DAAM1: variants seen among roughly 807,000 people sequenced by gnomAD.
DAAM1 encodes dishevelled associated activator of morphogenesis 1, also known as disheveled-associated activator of morphogenesis 1.
Under a neutral mutation model 130.0 loss-of-function variants are expected in DAAM1, and 52 were observed. The ratio of observed to expected loss-of-function variants is 0.40; its 90% CI spans 0.32 to 0.50. The LOEUF is 0.50. Among genes scored for constraint, DAAM1 ranks in the 20% least tolerant of loss-of-function variants. DAAM1 has a pLI of 0.61. For synonymous variants in DAAM1, 452 were observed against 444.5 expected, an observed-to-expected ratio of 1.02 and a Z score of -0.21; for missense variants, 1,134 against 1,303.8, an observed-to-expected ratio of 0.87 and a Z score of 2.01.
intron 19 of DAAM1, among the ~76,000 whole-genome samples, chr14:59,354,638 A>G (rs2139673578): frequency 6.6e-6 from 1 of 152,282 alleles, no homozygotes; most frequent in Middle Eastern, 3.4e-3. Flanking sequence ...TGATTTTTAA[A>G]ATTTGTAAAT....
chr14:59,351,242 A>G (rs1160017867), intron 17 of DAAM1, among the ~76,000 whole-genome samples: 1 of 152,000 alleles, frequency 6.6e-6, no homozygotes, highest in Non-Finnish European at 1.5e-5. Flanking sequence ...GCTCCACCCT[A>G]TCCAGGCCAC....
At chr14:59,343,800 A>G (rs1293240808) in intron 16 of DAAM1, among the ~76,000 whole-genome samples, 5 of 152,176 alleles carry the variant, frequency 3.3e-5, no homozygotes, top group African/African-American at 9.6e-5. Flanking sequence ...TATTTGCAGC[A>G]TGAGTGACCA....
At chr14:59,251,655 C>T (rs896648575) in intron 1 of DAAM1, among the ~76,000 whole-genome samples, 1 of 152,108 alleles carries the variant, frequency 6.6e-6, no homozygotes, top group African/African-American at 2.4e-5. Flanking sequence ...CCTCCTAGAG[C>T]CACACAGCAC....
chr14:59,301,768 A>G (rs560474588), intron 3 of DAAM1, among the ~76,000 whole-genome samples: 54 of 152,190 alleles, frequency 3.5e-4, no homozygotes, highest in Non-Finnish European at 3.8e-4. Context: ...GATATTCAGA[A>G]GTTGAGAGGT....
intron 2 of DAAM1, 72 bp from the exon 3 acceptor site, chr14:59,291,145 A>G: frequency 8.1e-7 from 1 of 1,238,738 alleles, no homozygotes; most frequent in Non-Finnish European, 1.1e-6. Flanking sequence ...TTCTTCCTTG[A>G]TGATACTGAT....
Position 59,323,224 on chromosome 14 carries a change from A to C in DAAM1, c.773A>C (p.Gln258Pro). Residue 258 changes from glutamine to proline, a missense_variant and splice_region_variant, in exon 6 of 25, where the codon CAG becomes CCG. By Grantham distance (76) the Gln-to-Pro change is moderately conservative (BLOSUM62 -1). Around this residue, in one of 3 missense-constraint regions of DAAM1, gnomAD observed 391 missense variants for 521.6 expected, o/e 0.75. Transcript: ENST00000360909. Reference sequence around the variant, plus strand: ...TATGCCAGCGAAAGGACCCGCTTTCAGGTGGGTGTTCGCTCAGCCTTCTTC... The same window carrying C: ...TATGCCAGCGAAAGGACCCGCTTTCCGGTGGGTGTTCGCTCAGCCTTCTTC... ...QKYASERTRF[Q>P]TLINDLDKST... The C allele has an allele frequency of 6.3e-7, 1 of 1,598,902 alleles. No individual in the cohort carries two copies. Among genetic ancestry groups the C allele is most frequent in the Non-Finnish European group, 8.5e-7 (1 of 1,171,008 alleles).
chr14:59,227,055 T>A (rs1490847162), intron 1 of DAAM1, among the ~76,000 whole-genome samples: 1 of 152,222 alleles, frequency 6.6e-6, no homozygotes, highest in Admixed American at 6.5e-5. Context: ...CTGTAGAATT[T>A]CCAGTAAAAC....
At chr14:59,245,758 A>G (rs535923828) in intron 1 of DAAM1, among the ~76,000 whole-genome samples, 1 of 152,276 alleles carries the variant, frequency 6.6e-6, no homozygotes, top group South Asian at 2.1e-4. Flanking sequence ...TTGTAAATTG[A>G]TGACAAATTT....
intron 20 of DAAM1, among the ~76,000 whole-genome samples, chr14:59,356,607 C>G (rs1423072634): frequency 6.6e-6 from 1 of 152,190 alleles, no homozygotes; most frequent in Non-Finnish European, 1.5e-5. Flanking sequence ...ATCCACAGCT[C>G]TATTAGCAGC....
At chr14:59,367,381 G>T in intron 23 of DAAM1, 48 bp from the exon 24 acceptor site, 1 of 1,555,278 alleles carries the variant, frequency 6.4e-7, no homozygotes, top group South Asian at 1.2e-5. Flanking sequence ...ATATTTGATT[G>T]TGGAATTCTC....
At chr14:59,201,002 A>T (rs974392872) in intron 1 of DAAM1, among the ~76,000 whole-genome samples, 1 of 151,938 alleles carries the variant, frequency 6.6e-6, no homozygotes, top group Non-Finnish European at 1.5e-5. Context: ...TCCACTAAAA[A>T]TACAAAAAAT....
intron 17 of DAAM1, among the ~76,000 whole-genome samples, chr14:59,352,032 T>A (rs536478732): frequency 1.3e-5 from 2 of 151,610 alleles, no homozygotes; most frequent in South Asian, 4.2e-4. Flanking sequence ...ACCAGAAAAA[T>A]AAGAAAATGG....
chr14:59,303,378 C>T (rs1884253263), intron 3 of DAAM1, among the ~76,000 whole-genome samples: 1 of 152,198 alleles, frequency 6.6e-6, no homozygotes, highest in African/African-American at 2.4e-5. Context: ...ACCACCACCC[C>T]AGTGGTCCCC....
At chr14:59,299,906 A>G (rs890751175) in intron 3 of DAAM1, 1 of 152,182 alleles carries the variant, frequency 6.6e-6, no homozygotes, top group African/African-American at 2.4e-5. Flanking sequence ...TGCCCTCCAC[A>G]GTGCTTCAGC....
At chr14:59,208,228 A>G (rs1888323068) in intron 1 of DAAM1, among the ~76,000 whole-genome samples, 1 of 152,178 alleles carries the variant, frequency 6.6e-6, no homozygotes, top group African/African-American at 2.4e-5. Flanking sequence ...GACCGAATAG[A>G]CACCCTGTTG....
At chr14:59,325,046 C>G (rs1392867784) in intron 8 of DAAM1, among the ~76,000 whole-genome samples, 1 of 152,216 alleles carries the variant, frequency 6.6e-6, no homozygotes, top group Non-Finnish European at 1.5e-5. Context: ...AACACTCTTG[C>G]ATCAGTGCCT....
At chr14:59,312,898 A>C (rs1413111708) in intron 3 of DAAM1, among the ~76,000 whole-genome samples, 1 of 152,230 alleles carries the variant, frequency 6.6e-6, no homozygotes, top group African/African-American at 2.4e-5. Flanking sequence ...AAGTATATAC[A>C]ATCTAGAACA....
At chr14:59,362,148 C>G (rs1453585886) in intron 22 of DAAM1, 1 of 151,708 alleles carries the variant, frequency 6.6e-6, no homozygotes, top group East Asian at 1.9e-4. Context: ...GCTCTGACCC[C>G]TGCTTCTGAG....
intron 23 of DAAM1, 88 bp from the exon 24 acceptor site, chr14:59,367,341 A>G: frequency 6.7e-7 from 1 of 1,502,674 alleles, no homozygotes; most frequent in Non-Finnish European, 8.9e-7. Context: ...GTTTGACTCA[A>G]TCTGGGCTTT....
Sources: allele counts gnomAD v4.1 joint callset (sites outside exome capture counted in the v4.1 genomes callset), GRCh38; gene constraint gnomAD v4.1.1; regional missense constraint gnomAD v4.1.1; transcripts MANE v1.5; gene names NCBI Gene and HGNC (gene_info 2026-07-23, HGNC 2026-07-21).